C14orf39: variants seen among roughly 807,000 people sequenced by gnomAD.
C14orf39 encodes the protein chromosome 14 open reading frame 39.
Under a neutral mutation model 85.6 loss-of-function variants are expected in C14orf39, and 66 were observed. The ratio of observed to expected loss-of-function variants is 0.77; its 90% confidence interval spans 0.63 to 0.95. C14orf39 has a LOEUF of 0.95. Ranked by LOEUF, C14orf39 falls within the 40% of genes least tolerant of loss-of-function variation. The probability of loss-of-function intolerance (pLI) is 0.00; values close to 1 mark genes in which losing one functional copy is unlikely to be tolerated. For synonymous variants in C14orf39, 242 were observed against 214.0 expected, an observed-to-expected ratio of 1.13 and a Z score of -1.14; for missense variants, 735 against 663.9, an observed-to-expected ratio of 1.11 and a Z score of -1.18.
chr14:60,483,622 T>TA (rs1892742100), intron 4 of C14orf39, 69 bp downstream of exon 4: 1 of 1,349,256 alleles, frequency 7.4e-7, no homozygotes, highest in Admixed American at 2.2e-5. Flanking sequence ...GAAGGAAGTA[T>TA]CTTCAACTGT....
intron 4 of C14orf39, among the ~76,000 whole-genome samples, chr14:60,479,863 C>T (rs1892559161): frequency 6.6e-6 from 1 of 152,136 alleles, no homozygotes; most frequent in Admixed American, 6.5e-5. Flanking sequence ...ACTCATTTAA[C>T]CAGTTCCCTA....
At chr14:60,486,509 G>C (rs1243187836), upstream of C14orf39, among the ~76,000 whole-genome samples, 1 of 152,080 alleles carries the variant, frequency 6.6e-6, no homozygotes, top group Non-Finnish European at 1.5e-5. Flanking sequence ...TAGTTGAATG[G>C]ACATTTTGAG....
At chr14:60,442,525 G>GGC (rs1890567969) in intron 16 of C14orf39, among the ~76,000 whole-genome samples, 1 of 152,040 alleles carries the variant, frequency 6.6e-6, no homozygotes, top group South Asian at 2.1e-4. Context: ...TATTTTATCA[G>GGC]TAAAACAGGC....
At position 60,466,977 on chromosome 14, in the gene C14orf39, A is replaced by G; in HGVS notation, c.835T>C (p.Tyr279His). Residue 279 changes from tyrosine (Y) to histidine (H), a missense_variant, in exon 10 of 18, where the codon TAT becomes CAT. Physicochemically the swap from Tyr to His is moderately conservative, Grantham distance 83 (BLOSUM62 2). Transcript: ENST00000321731. The part of the protein sequence containing the change: ...KTQSSQLFLP[Y>H]ESQKLVRPIK... ...GGTCTTACTAATTTCTGAGATTCAT[A>G]AGGAAGAAATAATTGACTGCTTTGA... The G allele has an allele frequency of 6.8e-7, 1 of 1,465,858 alleles. No individual in the cohort carries two copies. Among genetic ancestry groups the G allele is most frequent in the Non-Finnish European group, 9.0e-7 (1 of 1,105,052 alleles). 90.8% of individuals were successfully genotyped at this position (1,465,858 alleles called of 1,614,324 possible).
intron 11 of C14orf39, 149 bp downstream of exon 11, chr14:60,465,830 T>C: frequency 2.2e-6 from 1 of 457,704 alleles, no homozygotes; most frequent in Non-Finnish European, 3.8e-6. Flanking sequence ...TTTGCACTAA[T>C]GGCTGATTTA....
At chr14:60,459,976 T>C (rs1891446820) in intron 13 of C14orf39, among the ~76,000 whole-genome samples, 1 of 151,866 alleles carries the variant, frequency 6.6e-6, no homozygotes, top group African/African-American at 2.4e-5. Context: ...TCTCCATCTT[T>C]CTTTCATGAT....
chr14:60,475,878 A>C (rs963281940), intron 5 of C14orf39, among the ~76,000 whole-genome samples: 1 of 152,108 alleles, frequency 6.6e-6, no homozygotes, highest in Non-Finnish European at 1.5e-5. Context: ...ACATTCCTCA[A>C]GATTTTCTCA....
chr14:60,464,224 A>G (rs1891672106), intron 11 of C14orf39, among the ~76,000 whole-genome samples: 1 of 152,194 alleles, frequency 6.6e-6, no homozygotes, highest in South Asian at 2.1e-4. Flanking sequence ...CATAGCATGA[A>G]AAATAGCAGG....
At chr14:60,487,675 T>C (rs979239316), upstream of C14orf39, among the ~76,000 whole-genome samples, 2 of 152,212 alleles carry the variant, frequency 1.3e-5, no homozygotes, top group African/African-American at 2.4e-5. Flanking sequence ...CTTATGATAG[T>C]TCTATTTTTA....
At chr14:60,494,928 A>G (rs1399740378) in intron 2 of C14orf39, 1 of 158,160 alleles carries the variant, frequency 6.3e-6, no homozygotes, top group Non-Finnish European at 1.4e-5. Context: ...TGGCACTTAC[A>G]TTGCCATTCT....
At chr14:60,511,530 C>T in intron 1 of C14orf39, 1 of 565,248 alleles carries the variant, frequency 1.8e-6, no homozygotes, top group Non-Finnish European at 3.2e-6. Context: ...TGCAAAGTCT[C>T]CTTCGGAACC....
chr14:60,463,075 TAC>T (rs1183049603), intron 11 of C14orf39, among the ~76,000 whole-genome samples: 1 of 152,150 alleles, frequency 6.6e-6, no homozygotes, highest in Non-Finnish European at 1.5e-5. Context: ...TGTACCAAAT[TAC>T]ACTTCCACTA....
At chr14:60,472,550 C>T (rs1892146177) in intron 5 of C14orf39, among the ~76,000 whole-genome samples, 1 of 152,124 alleles carries the variant, frequency 6.6e-6, no homozygotes, top group Non-Finnish European at 1.5e-5. Flanking sequence ...ATCTCTCCCT[C>T]CTACCCCCTC....
chr14:60,458,526 C>T, intron 14 of C14orf39, 152 bp downstream of exon 14: 1 of 461,096 alleles, frequency 2.2e-6, no homozygotes, highest in Non-Finnish European at 3.7e-6. Flanking sequence ...ATCTTTTAAT[C>T]TGAAAAATAG....
At chr14:60,493,240 A>C (rs10139251) in intron 2 of C14orf39, among the ~76,000 whole-genome samples, 122,620 of 152,120 alleles carry the variant, frequency 0.81, 51,173 homozygotes, top group Non-Finnish European at 0.91. Context: ...AGGGTTGAAG[A>C]AACTTTGTAA....
Position 60,445,687 on chromosome 14 carries a change from G to T in C14orf39, c.1504-3556C>A, listed in dbSNP as rs186100830. Reference sequence around the variant, plus strand: ...AAGTTAACAAGGATATCCAGGACTTGAACTCAGCTCTGCACCAAATGGGCC... The same window carrying T: ...AAGTTAACAAGGATATCCAGGACTTTAACTCAGCTCTGCACCAAATGGGCC... On this transcript the variant is annotated intron_variant, in intron 16 of 17. Coordinates refer to ENST00000321731, the MANE Select transcript of C14orf39 (RefSeq NM_174978.3). Among the ~76,000 whole-genome samples, 649 of 152,274 alleles carry T rather than the reference G, an allele frequency of 4.3e-3. 1 individual carries two copies. The highest frequency in any genetic ancestry group is 6.7e-3 in the Non-Finnish European group (456 of 68,020).
At chr14:60,477,331 A>G (rs1379011845) in intron 5 of C14orf39, among the ~76,000 whole-genome samples, 1 of 152,206 alleles carries the variant, frequency 6.6e-6, no homozygotes, top group African/African-American at 2.4e-5. Flanking sequence ...CTTTGAATAT[A>G]TAGAGTATTG....
intron 16 of C14orf39, among the ~76,000 whole-genome samples, chr14:60,446,704 C>T (rs1325105644): frequency 2.0e-5 from 3 of 152,180 alleles, no homozygotes; most frequent in Non-Finnish European, 4.4e-5. Flanking sequence ...TTTTATGAGG[C>T]CAGCATCATC....
intron 1 of C14orf39, chr14:60,512,791 T>G (rs909999761): frequency 7.9e-5 from 12 of 152,230 alleles, no homozygotes; most frequent in African/African-American, 2.9e-4. Context: ...AGCCAGAGTC[T>G]CTAATTTTGT....
Sources: gnomAD v4.1 joint callset for allele counts (sites outside exome capture counted in the v4.1 genomes callset) on GRCh38, gnomAD v4.1.1 for gene constraint, MANE v1.5 for transcripts, NCBI Gene and HGNC (gene_info 2026-07-23, HGNC 2026-07-21) for gene names.